The following PRPSAP1 variants were observed in gnomAD, a reference collection of about 807,000 sequenced individuals.
PRPSAP1 encodes phosphoribosyl pyrophosphate synthetase associated protein 1.
Under a neutral mutation model 39.4 loss-of-function variants are expected in PRPSAP1, and 31 were observed. The ratio of observed to expected loss-of-function variants is 0.79; its 90% CI spans 0.59 to 1.06. The LOEUF (loss-of-function observed/expected upper bound fraction) is 1.06, where lower values mean the gene tolerates loss of function less well. PRPSAP1 is among the 50% of genes least tolerant of loss of function. The probability of loss-of-function intolerance (pLI) is 0.00; values close to 1 mark genes in which losing one functional copy is unlikely to be tolerated. For synonymous variants in PRPSAP1, 212 were observed against 192.6 expected, an observed-to-expected ratio of 1.10 and a Z score of -0.83; for missense variants, 430 against 511.6, an observed-to-expected ratio of 0.84 and a Z score of 1.54.
chr17:76,347,937 G>T (rs575241190), intron 2 of PRPSAP1, among the ~76,000 whole-genome samples: 2 of 152,182 alleles, frequency 1.3e-5, no homozygotes, highest in South Asian at 4.1e-4. Flanking sequence ...ATTCCCAAAG[G>T]GCCCCATGTG....
intron 3 of PRPSAP1, among the ~76,000 whole-genome samples, chr17:76,342,496 T>A (rs1272681083): frequency 1.3e-5 from 2 of 151,840 alleles, no homozygotes; most frequent in Non-Finnish European, 2.9e-5. Context: ...GGTGGATCAC[T>A]TCTTAGTCCA....
chr17:76,345,609 GAAAA>G (rs60667192), intron 2 of PRPSAP1, among the ~76,000 whole-genome samples: 2 of 99,576 alleles, frequency 2.0e-5, no homozygotes, highest in Non-Finnish European at 4.5e-5. Flanking sequence ...CTTGTCTGGA[GAAAA>G]AAAAAAAAAA....
chr17:76,340,034 G>C (rs1189135850), intron 3 of PRPSAP1, among the ~76,000 whole-genome samples: 2 of 151,062 alleles, frequency 1.3e-5, no homozygotes, highest in Non-Finnish European at 2.9e-5. Context: ...GGGAGGGTAA[G>C]ACGGTGGGTG....
intron 3 of PRPSAP1, among the ~76,000 whole-genome samples, chr17:76,342,113 A>C (rs748521048): frequency 6.6e-6 from 1 of 152,084 alleles, no homozygotes; most frequent in Non-Finnish European, 1.5e-5. Context: ...ACAACCAGAA[A>C]TTTCTTAGGA....
At chr17:76,319,043 G>A (rs1003726226) in intron 7 of PRPSAP1, among the ~76,000 whole-genome samples, 3 of 151,514 alleles carry the variant, frequency 2.0e-5, no homozygotes, top group Non-Finnish European at 4.4e-5. Context: ...AGGTTCAAGC[G>A]ATTCTCCTGC....
At chr17:76,334,487 G>T (rs933841462) in intron 3 of PRPSAP1, among the ~76,000 whole-genome samples, 1 of 152,184 alleles carries the variant, frequency 6.6e-6, no homozygotes, top group Non-Finnish European at 1.5e-5. Flanking sequence ...CTAAGGCAGA[G>T]TGCATTTGGG....
chr17:76,319,751 CCTGA>C lies in PRPSAP1; in HGVS notation c.782-5864_782-5861del, dbSNP rs550573037. On this transcript the variant is annotated intron_variant, in intron 7 of 9. Transcript: ENST00000446526. ...TACAGGCGTGAGCCACCGTGCCTGG[CCTGA>C]CTGATTTTTAAAAATAAATAAATAC... 1.6e-3 allele frequency among the ~76,000 whole-genome samples: 249 copies of C among 152,082 alleles called. 5 individuals are homozygous for C. Among genetic ancestry groups the C allele is most frequent in the African/African-American group, 4.9e-3 (204 of 41,468 alleles).
In PRPSAP1 at chr17:76,353,672, G is replaced by C; in HGVS notation, c.32C>G (p.Pro11Arg). Reference protein sequence around the residue: MPKKLLLLPPPSASSAFRVPR... With the variant: MPKKLLLLPPRSASSAFRVPR... ...GACGCGGAAAGCCGAGGACGCGGAG[G>C]GCGGGGGCAACAGCAGCAGCTTCTT... Residue 11 changes from proline (P) to arginine (R), a missense_variant, in exon 1 of 10, where the codon CCC becomes CGC. Physicochemically the swap from Pro to Arg is moderately radical, Grantham distance 103. This residue lies in a region of PRPSAP1 where 152 missense variants were observed against 135.2 expected (regional missense o/e 1.12). Transcript: ENST00000446526. The C allele has an allele frequency of 6.6e-7, 1 of 1,519,614 alleles. No homozygotes were observed. Among genetic ancestry groups the C allele is most frequent in the Non-Finnish European group, 8.8e-7 (1 of 1,138,722 alleles). The allele number at this position is 1,519,614 out of a possible 1,614,324, so 94.1% of individuals were successfully genotyped here.
chr17:76,346,682 A>G (rs2071504618), intron 2 of PRPSAP1, among the ~76,000 whole-genome samples: 1 of 152,238 alleles, frequency 6.6e-6, no homozygotes, highest in African/African-American at 2.4e-5. Context: ...GTTAAACAAC[A>G]TGCTAAATGT....
At chr17:76,327,824 A>G (rs926750737) in intron 7 of PRPSAP1, among the ~76,000 whole-genome samples, 1 of 152,184 alleles carries the variant, frequency 6.6e-6, no homozygotes, top group African/African-American at 2.4e-5. Flanking sequence ...GCTGAGTGCT[A>G]CGCAGAACCG....
At chr17:76,318,521 T>C (rs1238718704) in intron 7 of PRPSAP1, among the ~76,000 whole-genome samples, 1 of 152,208 alleles carries the variant, frequency 6.6e-6, no homozygotes, top group Non-Finnish European at 1.5e-5. Flanking sequence ...CAAGGTTGAA[T>C]ATTTATTCTG....
intron 3 of PRPSAP1, among the ~76,000 whole-genome samples, chr17:76,343,716 T>C (rs2143536332): frequency 6.6e-6 from 1 of 152,110 alleles, no homozygotes; most frequent in South Asian, 2.1e-4. Context: ...GCACCTGTAA[T>C]CCCACCTACT....
chr17:76,316,041 G>A (rs1282476995), intron 7 of PRPSAP1, among the ~76,000 whole-genome samples: 1 of 151,518 alleles, frequency 6.6e-6, no homozygotes, highest in Non-Finnish European at 1.5e-5. Flanking sequence ...AGCCAGGCAT[G>A]GTGGCACACG....
At chr17:76,330,255 T>C (rs968586886) in intron 5 of PRPSAP1, 157 bp from the exon 6 acceptor site, 4 of 652,054 alleles carry the variant, frequency 6.1e-6, no homozygotes, top group Admixed American at 6.0e-5. Flanking sequence ...ATTTATCAAT[T>C]AACATCACTG....
At chr17:76,314,384 G>GTT (rs2071101031) in intron 7 of PRPSAP1, 1 of 167,508 alleles carries the variant, frequency 6.0e-6, no homozygotes, top group South Asian at 1.4e-4. Flanking sequence ...ACCCAGCTGA[G>GTT]TTTTGTATTT....
chr17:76,345,964 TA>T, intron 2 of PRPSAP1: 8 of 467,878 alleles, frequency 1.7e-5, no homozygotes, highest in Non-Finnish European at 2.5e-5. Context: ...AGCCCAGGCC[TA>T]AAAAGGCCAC....
intron 3 of PRPSAP1, among the ~76,000 whole-genome samples, chr17:76,340,312 T>A (rs117997444): frequency 6.6e-6 from 1 of 151,768 alleles, no homozygotes; most frequent in Admixed American, 6.6e-5. Flanking sequence ...ATACTCAAGA[T>A]ACAAGTGAGA....
At chr17:76,315,612 G>T (rs572260818) in intron 7 of PRPSAP1, among the ~76,000 whole-genome samples, 60 of 149,848 alleles carry the variant, frequency 4.0e-4, no homozygotes, top group African/African-American at 1.5e-3. Flanking sequence ...GGGGAGGGGG[G>T]TTTCAAACCA....
chr17:76,343,537 C>T (rs1200558814), intron 3 of PRPSAP1, among the ~76,000 whole-genome samples: 2 of 152,174 alleles, frequency 1.3e-5, no homozygotes, highest in African/African-American at 4.8e-5. Context: ...ACCCTTTGTC[C>T]TTGAGGAGTT....
Sources: gnomAD v4.1 joint callset for allele counts (sites outside exome capture counted in the v4.1 genomes callset) on GRCh38, gnomAD v4.1.1 for gene constraint, gnomAD v4.1.1 regional missense constraint, MANE v1.5 for transcripts, NCBI Gene and HGNC (gene_info 2026-07-23, HGNC 2026-07-21) for gene names.